Variants in XRCC4 observed in about 807,000 individuals in gnomAD.
The protein encoded by XRCC4 is DNA repair protein XRCC4.
XRCC4 carries 28 observed loss-of-function variants against 39.1 expected under a neutral mutation model. The ratio of observed to expected loss-of-function variants is 0.72; its 90% CI spans 0.53 to 0.98. The LOEUF (loss-of-function observed/expected upper bound fraction) is 0.98, where lower values mean the gene tolerates loss of function less well. Ranked by LOEUF, XRCC4 falls within the 50% of genes least tolerant of loss-of-function variation. The probability of loss-of-function intolerance (pLI) is 0.00; values close to 1 mark genes in which losing one functional copy is unlikely to be tolerated. For synonymous variants in XRCC4, 123 were observed against 126.4 expected (o/e 0.97, Z 0.18); for missense variants, 350 against 376.4 (o/e 0.93, Z 0.58).
chr5:83,221,369 AGG>A (rs1345072174), intron 6 of XRCC4, among the ~76,000 whole-genome samples: 1 of 152,086 alleles, frequency 6.6e-6, no homozygotes, highest in Non-Finnish European at 1.5e-5. Flanking sequence ...GAACTTCCTA[AGG>A]GTAAGCTGTC....
At chr5:83,217,936 C>T (rs1006436555) in intron 6 of XRCC4, among the ~76,000 whole-genome samples, 4 of 152,030 alleles carry the variant, frequency 2.6e-5, no homozygotes, top group African/African-American at 9.7e-5. Flanking sequence ...TAAAGTATAG[C>T]AATTTGACAT....
At chr5:83,132,049 T>G (rs527241248) in intron 3 of XRCC4, among the ~76,000 whole-genome samples, 11 of 152,174 alleles carry the variant, frequency 7.2e-5, no homozygotes, top group Admixed American at 2.0e-4. Context: ...TGGGGCTTCC[T>G]TCAGGAGCTC....
At chr5:83,084,792 C>G (rs1745107078) in intron 1 of XRCC4, among the ~76,000 whole-genome samples, 1 of 152,102 alleles carries the variant, frequency 6.6e-6, no homozygotes, top group Admixed American at 6.5e-5. Context: ...GACTTCCCAA[C>G]TACTCTTTAT....
chr5:83,239,029 G>A (rs1752802468), intron 6 of XRCC4, among the ~76,000 whole-genome samples: 1 of 152,162 alleles, frequency 6.6e-6, no homozygotes, highest in Admixed American at 6.5e-5. Flanking sequence ...TAATGATTCT[G>A]TTCTCACAGA....
At chr5:83,324,794 G>T (rs1385083617) in intron 7 of XRCC4, among the ~76,000 whole-genome samples, 1 of 152,086 alleles carries the variant, frequency 6.6e-6, no homozygotes, top group Non-Finnish European at 1.5e-5. Flanking sequence ...AGTACCTTAG[G>T]GAGAGTAAAG....
chr5:83,153,725 A>T (rs1156889839), intron 3 of XRCC4, among the ~76,000 whole-genome samples: 1 of 152,172 alleles, frequency 6.6e-6, no homozygotes, highest in East Asian at 1.9e-4. Flanking sequence ...CCTCAATGTC[A>T]ATGATTTTTT....
chr5:83,113,828 A>G (rs1427594968), intron 3 of XRCC4, among the ~76,000 whole-genome samples: 1 of 152,008 alleles, frequency 6.6e-6, no homozygotes. Context: ...GGGTTTCACC[A>G]TGTTAGCCAA....
intron 3 of XRCC4, among the ~76,000 whole-genome samples, chr5:83,119,266 A>C (rs1746882321): frequency 6.6e-6 from 1 of 152,184 alleles, no homozygotes; most frequent in Admixed American, 6.5e-5. Context: ...AATAGTAATG[A>C]CTTTCAGGTC....
chr5:83,313,908 A>G (rs1309168414), intron 7 of XRCC4, among the ~76,000 whole-genome samples: 4 of 146,748 alleles, frequency 2.7e-5, no homozygotes, highest in Admixed American at 6.8e-5. Context: ...TCATTAAAAT[A>G]TAAGTTTTAT....
intron 7 of XRCC4, among the ~76,000 whole-genome samples, chr5:83,326,440 TGA>T (rs1398585473): frequency 2.6e-5 from 4 of 152,048 alleles, no homozygotes; most frequent in African/African-American, 9.7e-5. Flanking sequence ...CCTAGTTTAT[TGA>T]GAGTTTGTAA....
chr5:83,162,936 TTTTC>T (rs1554060093), intron 3 of XRCC4, among the ~76,000 whole-genome samples: 3 of 134,480 alleles, frequency 2.2e-5, no homozygotes, highest in South Asian at 2.4e-4. Context: ...TTTTTTTTCT[TTTTC>T]TTTCTTTCTT....
chr5:83,097,478 A>G (rs1317161226), intron 1 of XRCC4, among the ~76,000 whole-genome samples: 3 of 152,038 alleles, frequency 2.0e-5, no homozygotes, highest in Non-Finnish European at 4.4e-5. Context: ...GGGGGAAAAA[A>G]GTACATTGTT....
intron 1 of XRCC4, among the ~76,000 whole-genome samples, chr5:83,103,009 G>GATATATATATATATATATAT (rs56183616): frequency 0.04 from 4,202 of 105,720 alleles, 208 homozygotes; most frequent in Non-Finnish European, 0.055. Context: ...AGATAGAGCT[G>GATATATATATATATATATAT]ATATATATAT....
At chr5:83,185,792 C>A in intron 3 of XRCC4, among the ~76,000 whole-genome samples, 1 of 151,794 alleles carries the variant, frequency 6.6e-6, no homozygotes, top group Non-Finnish European at 1.5e-5. Context: ...GAATAGATTG[C>A]TAAATAACTG....
chr5:83,366,532 G>C, the XRCC4 span, among the ~76,000 whole-genome samples: 2 of 152,144 alleles, frequency 1.3e-5, no homozygotes, highest in Non-Finnish European at 2.9e-5. Flanking sequence ...ACCATTTTAA[G>C]ATGTTGGATT....
chr5:83,282,318 C>G (rs1219475097), intron 7 of XRCC4, among the ~76,000 whole-genome samples: 1 of 148,406 alleles, frequency 6.7e-6, no homozygotes, highest in Admixed American at 6.7e-5. Context: ...TTTATAATAG[C>G]AAAAAAAAAG....
intron 7 of XRCC4, among the ~76,000 whole-genome samples, chr5:83,290,167 A>G (rs1363199436): frequency 6.6e-6 from 1 of 151,774 alleles, no homozygotes; most frequent in African/African-American, 2.4e-5. Context: ...AACCTCAGTT[A>G]TCTAATTGGT....
chr5:83,107,686 A>G (rs1746263460), intron 2 of XRCC4, among the ~76,000 whole-genome samples: 1 of 151,948 alleles, frequency 6.6e-6, no homozygotes, highest in South Asian at 2.1e-4. Context: ...TAGGAAACTT[A>G]TATCACCCAT....
chr5:83,184,462 T>C (rs1208020727), intron 3 of XRCC4, among the ~76,000 whole-genome samples: 2 of 152,022 alleles, frequency 1.3e-5, no homozygotes, highest in African/African-American at 4.8e-5. Context: ...CATTTTTTAA[T>C]GGGAAGGAGC....
Sources: gnomAD v4.1 joint callset for allele counts (sites outside exome capture counted in the v4.1 genomes callset) on GRCh38, gnomAD v4.1.1 for gene constraint, MANE v1.5 for transcripts, NCBI Gene and HGNC (gene_info 2026-07-23, HGNC 2026-07-21) for gene names.